The following CFAP46 variants were observed in gnomAD, a reference collection of about 807,000 sequenced individuals.
CFAP46 encodes cilia and flagella associated protein 46.
CFAP46 carries 245 observed loss-of-function variants against 325.7 expected under a neutral mutation model. The ratio of observed to expected loss-of-function variants is 0.75; its 90% CI spans 0.68 to 0.84. CFAP46 has a LOEUF of 0.84. Among genes scored for constraint, CFAP46 ranks in the 40% least tolerant of loss-of-function variants. CFAP46 has a pLI of 0.00. For missense variants in CFAP46, 3,346 were observed against 3,543.0 expected, an observed-to-expected ratio of 0.94 and a Z score of 1.41; for synonymous variants, 1,523 against 1,495.9, an observed-to-expected ratio of 1.02 and a Z score of -0.42.
intron 27 of CFAP46, among the ~76,000 whole-genome samples, chr10:132,883,710 A>C (rs1305475718): frequency 6.6e-6 from 1 of 152,272 alleles, no homozygotes; most frequent in African/African-American, 2.4e-5. Flanking sequence ...ATGGGAAGCA[A>C]CACAAATAGC....
Position 132,836,816 on chromosome 10 carries a change from C to T in CFAP46, c.6536+1G>A. ...GCCTCAACAAGAAGGAGCGGCTTTA[C>T]CTGTCCCCTGAGAGGTGCAGAAAGA... On this transcript the variant is annotated splice_donor_variant, in intron 45 of 57. Coordinates refer to ENST00000368586, the MANE Select transcript of CFAP46 (RefSeq NM_001200049.3). LOFTEE classifies it high-confidence loss of function. The T allele has an allele frequency of 1.9e-6, 3 of 1,612,966 alleles. No homozygotes were observed. The highest frequency in any genetic ancestry group is 2.5e-6 in the Non-Finnish European group (3 of 1,179,422).
chr10:132,832,393 C>CT lies in CFAP46; in HGVS notation c.7117+964_7117+965insA, dbSNP rs990347448. Among the ~76,000 whole-genome samples, 6 of 139,380 alleles carry CT rather than the reference C, an allele frequency of 4.3e-5. No individual in the cohort carries two copies. In the East Asian group the frequency reaches 1.2e-3, roughly 27 times the overall value. The allele number at this position is 139,380 out of a possible 152,430, so 91.4% of individuals were successfully genotyped here. A position where few individuals can be genotyped will look rare whatever the true frequency, so the allele number is the denominator to read the frequency against. On this transcript the variant is annotated intron_variant, in intron 50 of 57. Transcript: ENST00000368586. This position sits in a 1 kb window ranked among gnomAD's most constrained non-coding sequence, Gnocchi z 4.1. ...GAGACCCCTGGGCTCTTCCTGCCCC[C>CT]CCCCCCCAATGCTGTGGCCTGGAAA...
Position 132,834,106 on chromosome 10 carries a change from A to T in CFAP46, c.6884T>A (p.Val2295Asp). 6.2e-7 allele frequency: 1 copy of T among 1,614,078 alleles called. No homozygotes were observed. The highest frequency in any genetic ancestry group is 1.7e-4 in the Middle Eastern group (1 of 6,060). The stretch of plus-strand genomic sequence containing the variant: ...CTTCGACTTCCCTGAATCGGCAACA[A>T]CCGCAGGTGTCTGCACTCTGAAAGT... ...LSKARVQTPAVVADSGKSKGK... is the reference protein window; with the variant it reads ...LSKARVQTPADVADSGKSKGK... Residue 2295 changes from valine (V) to aspartate (D), a missense_variant, in exon 49 of 58, where the codon GTT (valine) becomes GAT (aspartate). Val to Asp is a radical substitution (Grantham distance 152). Transcript: ENST00000368586.
chr10:132,855,469 T>C (rs1240728072), intron 39 of CFAP46, among the ~76,000 whole-genome samples: 1 of 152,206 alleles, frequency 6.6e-6, no homozygotes, highest in African/African-American at 2.4e-5. Flanking sequence ...TGCTTTTTTA[T>C]ATAATCTGAT....
intron 50 of CFAP46, among the ~76,000 whole-genome samples, chr10:132,824,450 G>A (rs1238478859): frequency 7.0e-5 from 9 of 127,886 alleles, no homozygotes; most frequent in African/African-American, 2.4e-4. Flanking sequence ...GTGCTGATGT[G>A]TGCTGTGTGC....
chr10:132,850,178 T>G lies in CFAP46; in HGVS notation c.5952+66A>C, dbSNP rs185651005. 7,411 of 1,483,618 alleles carry G rather than the reference T, an allele frequency of 5.0e-3. 27 individuals carry two copies. The highest frequency in any genetic ancestry group is 5.7e-3 in the Non-Finnish European group (6,250 of 1,089,024). The allele number at this position is 1,483,618 out of a possible 1,614,324, so 91.9% of individuals were successfully genotyped here. On this transcript the variant is annotated intron_variant, in intron 41 of 57. Coordinates refer to ENST00000368586, the MANE Select transcript of CFAP46 (RefSeq NM_001200049.3). ...ATCACAGGAGTCCTAAACACTTCGC[T>G]TGTGTTTTTCAGGCACGGGTGACTG...
At position 132,906,553 on chromosome 10, in the gene CFAP46, C is replaced by A. The variant is rs1273996941; in HGVS notation, c.2924+1915G>T. Among the ~76,000 whole-genome samples, 2 of 82,812 alleles carry A rather than the reference C, an allele frequency of 2.4e-5. 1 individual carries two copies. Among genetic ancestry groups the A allele is most frequent in the East Asian group, 6.0e-4 (2 of 3,336 alleles). 54.3% of individuals were successfully genotyped at this position (82,812 alleles called of 152,430 possible). On this transcript the variant is annotated intron_variant, in intron 22 of 57. Coordinates refer to ENST00000368586, the MANE Select transcript of CFAP46 (RefSeq NM_001200049.3). ...GAGAAGAGTGAACGGGGTCCTGGAG[C>A]GTGATGCCCCGTCCTGGGCACTGAG...
intron 13 of CFAP46, among the ~76,000 whole-genome samples, 195 bp from the exon 14 acceptor site, chr10:132,920,377 C>T (rs919539559): frequency 5.3e-5 from 8 of 152,144 alleles, no homozygotes; most frequent in Non-Finnish European, 8.8e-5. Flanking sequence ...TGTCTCCTGC[C>T]GGCGATGAGG....
At position 132,926,459 on chromosome 10, in the gene CFAP46, T is replaced by C. The variant is rs545334064; in HGVS notation, c.1065+109A>G. The C allele has an allele frequency of 1.1e-5, 9 of 789,432 alleles. No individual in the cohort carries two copies. In the African/African-American group the frequency reaches 1.5e-4, roughly 13 times the overall value. 48.9% of individuals were successfully genotyped at this position (789,432 alleles called of 1,614,324 possible). ...AGCCAGGGCGAGTCTAGCAGTGGGG[T>C]CCAGGCCATGTCCCCAGCACCCTCA... On this transcript the variant is annotated intron_variant, in intron 10 of 57. Coordinates refer to ENST00000368586, the MANE Select transcript of CFAP46 (RefSeq NM_001200049.3).
At chr10:132,845,943 G>T in intron 44 of CFAP46, 114 bp downstream of exon 44, 1 of 1,194,028 alleles carries the variant, frequency 8.4e-7, no homozygotes, top group Non-Finnish European at 1.2e-6. Flanking sequence ...GATGGCTCAT[G>T]AGCTGGGGGG....
At chr10:132,866,278 C>T (rs954112037) in intron 34 of CFAP46, 107 bp from the exon 35 acceptor site, 54 of 1,199,804 alleles carry the variant, frequency 4.5e-5, no homozygotes, top group Non-Finnish European at 5.6e-5. Context: ...CAGGGAGCCA[C>T]ACCACACCAA....
intron 50 of CFAP46, among the ~76,000 whole-genome samples, chr10:132,825,273 C>A (rs1197043290): frequency 1.4e-5 from 2 of 147,746 alleles, no homozygotes; most frequent in African/African-American, 5.0e-5. Flanking sequence ...CTGATGTGTG[C>A]TGTGTGTGTG....
chr10:132,912,499 CTCT>C (rs1849562494), intron 19 of CFAP46, among the ~76,000 whole-genome samples, 153 bp downstream of exon 19: 2 of 82,970 alleles, frequency 2.4e-5, no homozygotes, highest in African/African-American at 4.4e-5. Context: ...CCTCTTTCAC[CTCT>C]CTCTCCTCTC....
intron 22 of CFAP46, among the ~76,000 whole-genome samples, chr10:132,907,610 A>G (rs1849474819): frequency 6.6e-6 from 1 of 152,242 alleles, no homozygotes. Flanking sequence ...TAGAAATGGC[A>G]GCTGTCTACC....
At chr10:132,880,804 A>G (rs1849030564) in intron 28 of CFAP46, 57 bp downstream of exon 28, 8 of 1,517,456 alleles carry the variant, frequency 5.3e-6, no homozygotes, top group Non-Finnish European at 7.1e-6. Flanking sequence ...ACGGAGCAGG[A>G]AGCAGAGCTC....
At chr10:132,941,354 G>A (rs181239054) in intron 3 of CFAP46, among the ~76,000 whole-genome samples, 34 of 152,382 alleles carry the variant, frequency 2.2e-4, no homozygotes, top group Non-Finnish European at 3.7e-4. Flanking sequence ...TGCAGGCGCA[G>A]ATGCCACAGA....
intron 39 of CFAP46, 70 bp from the exon 40 acceptor site, chr10:132,851,375 T>C: frequency 6.9e-7 from 1 of 1,448,012 alleles, no homozygotes; most frequent in Non-Finnish European, 9.4e-7. Flanking sequence ...CCCCACAACT[T>C]GGATGAGGCA....
intron 54 of CFAP46, among the ~76,000 whole-genome samples, chr10:132,813,431 TCTGCACACACCTGTCC>T (rs1565031461): frequency 1.0e-4 from 5 of 49,192 alleles, no homozygotes; most frequent in Admixed American, 4.8e-4. Context: ...CAGCCCCACC[TCTGCACACACCTGTCC>T]CTGCACACAC....
At chr10:132,820,007 C>T (rs530741664) in intron 50 of CFAP46, among the ~76,000 whole-genome samples, 11 of 152,244 alleles carry the variant, frequency 7.2e-5, no homozygotes, top group African/African-American at 2.6e-4. Flanking sequence ...GATCAATAGC[C>T]TAAGTATATA....
Sources: allele counts gnomAD v4.1 joint callset (sites outside exome capture counted in the v4.1 genomes callset), GRCh38; gene constraint gnomAD v4.1.1; non-coding constraint Gnocchi (gnomAD v3.1); transcripts MANE v1.5; gene names NCBI Gene and HGNC (gene_info 2026-07-23, HGNC 2026-07-21).